RIMS2: variants seen among roughly 807,000 people sequenced by gnomAD.
RIMS2 encodes the protein regulating synaptic membrane exocytosis 2.
In RIMS2, 59 loss-of-function variants were observed where a neutral mutation model predicts 174.4. That is an observed-to-expected ratio of 0.34 (90% CI 0.27 to 0.42). The LOEUF is 0.42. Among genes scored for constraint, RIMS2 ranks in the 10% least tolerant of loss-of-function variants. The probability of loss-of-function intolerance (pLI) is 1.00; values close to 1 mark genes in which losing one functional copy is unlikely to be tolerated. For synonymous variants in RIMS2, 606 were observed against 572.5 expected (o/e 1.06, Z -0.84); for missense variants, 1,620 against 1,666.3 (o/e 0.97, Z 0.48).
At chr8:103,609,517 G>T (rs1174273551) in intron 1 of RIMS2, among the ~76,000 whole-genome samples, 1 of 152,076 alleles carries the variant, frequency 6.6e-6, no homozygotes, top group Non-Finnish European at 1.5e-5. Flanking sequence ...AATCCATCTT[G>T]AGTTCCTGTT....
At chr8:104,207,367 A>G (rs909042832) in intron 19 of RIMS2, among the ~76,000 whole-genome samples, 1 of 152,212 alleles carries the variant, frequency 6.6e-6, no homozygotes, top group Non-Finnish European at 1.5e-5. Context: ...TATATTCTTA[A>G]TGACTTTGTA....
chr8:103,936,694 G>T, exon 13 of RIMS2: 2 of 1,608,430 alleles, frequency 1.2e-6, no homozygotes, highest in Non-Finnish European at 1.7e-6. Context: ...GCTCGTGTTC[G>T]AGAGGAAGAA....
chr8:104,128,533 A>G (rs985015329), intron 19 of RIMS2, among the ~76,000 whole-genome samples: 5 of 152,080 alleles, frequency 3.3e-5, no homozygotes, highest in African/African-American at 1.2e-4. Flanking sequence ...ACCCATCTCT[A>G]CTAAAAATAC....
At chr8:103,783,901 C>T (rs950186893) in intron 3 of RIMS2, among the ~76,000 whole-genome samples, 3 of 152,098 alleles carry the variant, frequency 2.0e-5, no homozygotes, top group African/African-American at 7.2e-5. Context: ...AAAAGTGTCC[C>T]TATTTCTCCA....
At chr8:103,517,390 C>T (rs1829499307) in intron 1 of RIMS2, among the ~76,000 whole-genome samples, 1 of 152,032 alleles carries the variant, frequency 6.6e-6, no homozygotes, top group Non-Finnish European at 1.5e-5. Flanking sequence ...TTGCTAGGTG[C>T]ATGGAAGATG....
chr8:104,242,448 A>G (rs1388623035), intron 19 of RIMS2, among the ~76,000 whole-genome samples: 1 of 152,146 alleles, frequency 6.6e-6, no homozygotes, highest in Non-Finnish European at 1.5e-5. Flanking sequence ...ACTGTTTTGC[A>G]TATAGGGTTT....
intron 19 of RIMS2, among the ~76,000 whole-genome samples, chr8:104,172,962 C>T (rs2098840830): frequency 6.6e-6 from 1 of 152,168 alleles, no homozygotes; most frequent in South Asian, 2.1e-4. Flanking sequence ...ATTGCCCAGT[C>T]AAGAAGTTTG....
chr8:103,658,313 A>T (rs1479617355), intron 1 of RIMS2, among the ~76,000 whole-genome samples: 1 of 152,248 alleles, frequency 6.6e-6, no homozygotes, highest in Non-Finnish European at 1.5e-5. Flanking sequence ...TAATGGAGAT[A>T]AAGAACGTGA....
At chr8:104,188,852 C>T (rs10955343) in intron 19 of RIMS2, among the ~76,000 whole-genome samples, 62,510 of 151,430 alleles carry the variant, frequency 0.41, 13,383 homozygotes, top group East Asian at 0.65. Context: ...TAAAATTATA[C>T]GTCTTTTTCT....
At chr8:103,678,069 AT>A (rs1475675351) in intron 1 of RIMS2, among the ~76,000 whole-genome samples, 2 of 152,200 alleles carry the variant, frequency 1.3e-5, no homozygotes, top group Admixed American at 1.3e-4. Context: ...GGACAAACTT[AT>A]AAGGAGCCAG....
chr8:103,768,551 G>A lies in RIMS2; in HGVS notation c.698+2014G>A, dbSNP rs1422430052. On this transcript the variant is annotated intron_variant, in intron 3 of 23. Transcript: ENST00000504942. ...CTGTTACAGACCAAGGAGAACTGGA[G>A]AAAGAAAGAGAAAATCAGTTCGTGG... 11 of 1,497,304 alleles carry A rather than the reference G, an allele frequency of 7.3e-6. No homozygotes were observed. The African/African-American group carries it at 1.2e-4, about 17-fold the overall frequency. 92.8% of individuals were successfully genotyped at this position (1,497,304 alleles called of 1,614,324 possible).
At chr8:103,839,639 G>A (rs938017631) in intron 3 of RIMS2, among the ~76,000 whole-genome samples, 1 of 152,146 alleles carries the variant, frequency 6.6e-6, no homozygotes, top group Admixed American at 6.5e-5. Context: ...TCAGTCCTCA[G>A]CAGGTGCAGT....
At chr8:103,502,737 G>C (rs1820957638) in intron 1 of RIMS2, among the ~76,000 whole-genome samples, 1 of 151,958 alleles carries the variant, frequency 6.6e-6, no homozygotes, top group Admixed American at 6.6e-5. Context: ...ATAAAAATCA[G>C]TGCGGCCAAA....
In RIMS2 at chr8:103,912,200, G is replaced by T. The variant is rs752812445; in HGVS notation, c.1812+28G>T. 3.9e-5 allele frequency: 61 copies of T among 1,572,606 alleles called. No individual in the cohort carries two copies. The East Asian group carries it at 1.4e-3, about 36-fold the overall frequency. ...ATGTAATAAAAAGTATGAGATTTTG[G>T]CTCTATACTCTTACAGATTTACCAG... On this transcript the variant is annotated intron_variant, in intron 6 of 23. Transcript: ENST00000504942.
chr8:103,608,111 T>A (rs2134049280), intron 1 of RIMS2, among the ~76,000 whole-genome samples: 1 of 149,764 alleles, frequency 6.7e-6, no homozygotes, highest in East Asian at 1.9e-4. Context: ...TGTTCTGTTT[T>A]TTCCCCATCT....
rs1181052214 is a variant in RIMS2 at position 104,188,292 on chromosome 8, CTAGATA to C, written c.3335-56621_3335-56616del. 5.4e-5 allele frequency among the ~76,000 whole-genome samples: 8 copies of C among 149,266 alleles called. No homozygotes were observed. In the East Asian group the frequency reaches 1.4e-3, roughly 26 times the overall value. On this transcript the variant is annotated intron_variant, in intron 19 of 23. Coordinates refer to ENST00000504942, the Ensembl canonical transcript of RIMS2. ...ATAGATGGATGAAGTATAAAATCAT[CTAGATA>C]TAAAGTTGATCTTTCTAATTTTTTA...
At chr8:103,586,478 C>T (rs1270883211) in intron 1 of RIMS2, among the ~76,000 whole-genome samples, 1 of 151,996 alleles carries the variant, frequency 6.6e-6, no homozygotes, top group Non-Finnish European at 1.5e-5. Flanking sequence ...GGAAATTAAA[C>T]AATGTGCTTT....
chr8:104,066,578 C>A (rs1306225967), intron 19 of RIMS2, among the ~76,000 whole-genome samples: 5 of 152,018 alleles, frequency 3.3e-5, no homozygotes, highest in Non-Finnish European at 5.9e-5. Context: ...CTGAAAATAT[C>A]TTTTGAAGTA....
chr8:104,107,620 C>G (rs1398913246), intron 19 of RIMS2, among the ~76,000 whole-genome samples: 1 of 152,182 alleles, frequency 6.6e-6, no homozygotes, highest in Non-Finnish European at 1.5e-5. Flanking sequence ...ATCCAATATG[C>G]TAGTCACAGT....
Sources: gnomAD v4.1 joint callset for allele counts (sites outside exome capture counted in the v4.1 genomes callset) on GRCh38, gnomAD v4.1.1 for gene constraint, MANE v1.5 for transcripts, NCBI Gene and HGNC (gene_info 2026-07-23, HGNC 2026-07-21) for gene names.